PTPN14: variants seen among roughly 807,000 people sequenced by gnomAD.
PTPN14 encodes the protein protein tyrosine phosphatase non-receptor type 14.
In PTPN14, 53 loss-of-function variants were observed where a neutral mutation model predicts 126.8. The ratio of observed to expected loss-of-function variants is 0.42; its 90% confidence interval spans 0.34 to 0.53. The LOEUF (loss-of-function observed/expected upper bound fraction) is 0.53. Among genes scored for constraint, PTPN14 ranks in the 20% least tolerant of loss-of-function variants. The probability of loss-of-function intolerance (pLI) is 0.08; values close to 1 mark genes in which losing one functional copy is unlikely to be tolerated. For synonymous variants in PTPN14, 630 were observed against 599.3 expected, an observed-to-expected ratio of 1.05 and a Z score of -0.75; for missense variants, 1,257 against 1,552.9, an observed-to-expected ratio of 0.81 and a Z score of 3.20.
chr1:214,400,492 C>A (rs934588494), intron 7 of PTPN14, among the ~76,000 whole-genome samples: 3 of 152,188 alleles, frequency 2.0e-5, no homozygotes, highest in Non-Finnish European at 4.4e-5. Context: ...CACATCAGAA[C>A]CAACCACAGC....
intron 1 of PTPN14, among the ~76,000 whole-genome samples, chr1:214,545,849 G>A (rs962493111): frequency 6.6e-6 from 1 of 152,100 alleles, no homozygotes; most frequent in Non-Finnish European, 1.5e-5. Flanking sequence ...GTAGGATGTG[G>A]CATGTATAGC....
intron 15 of PTPN14, among the ~76,000 whole-genome samples, chr1:214,374,790 T>C (rs1286022854): frequency 6.6e-6 from 1 of 152,190 alleles, no homozygotes; most frequent in Admixed American, 6.5e-5. Flanking sequence ...CAATGCCCGA[T>C]GGGCACAGTT....
At chr1:214,469,960 CT>C (rs1558117403) in intron 1 of PTPN14, among the ~76,000 whole-genome samples, 2 of 152,146 alleles carry the variant, frequency 1.3e-5, no homozygotes, top group East Asian at 3.9e-4. Context: ...TTGATCTATT[CT>C]TTAAGAACAT....
At chr1:214,365,245 G>T (rs565541689) in intron 17 of PTPN14, among the ~76,000 whole-genome samples, 1 of 152,262 alleles carries the variant, frequency 6.6e-6, no homozygotes, top group South Asian at 2.1e-4. Flanking sequence ...GGGGCTATGT[G>T]AGTAGCCCAA....
Position 214,466,197 on chromosome 1 carries a change from T to C in PTPN14, c.-154-1240A>G, listed in dbSNP as rs1245163712. ...GGCTGGTCTTGAACTCCTGAACTCA[T>C]GTGATCCACCCGCCTTGGCCTCCCA... On this transcript the variant is annotated intron_variant, in intron 1 of 18. Coordinates refer to ENST00000366956, the MANE Select transcript of PTPN14 (RefSeq NM_005401.5). Among the ~76,000 whole-genome samples the C allele has an allele frequency of 2.6e-5, 4 of 151,748 alleles. No individual in the cohort carries two copies. In the East Asian group the frequency reaches 7.7e-4, roughly 29 times the overall value.
At chr1:214,549,396 G>A (rs1053224912) in intron 1 of PTPN14, among the ~76,000 whole-genome samples, 6 of 152,170 alleles carry the variant, frequency 3.9e-5, no homozygotes, top group Non-Finnish European at 5.9e-5. Flanking sequence ...TAGCACAACT[G>A]TGCTAAAGCA....
chr1:214,403,061 C>A, intron 5 of PTPN14, 108 bp from the exon 6 acceptor site: 1 of 1,040,388 alleles, frequency 9.6e-7, no homozygotes, highest in Non-Finnish European at 1.5e-6. Context: ...AGTCACATTT[C>A]CTCAATATCT....
chr1:214,477,215 G>A (rs1571606897), intron 1 of PTPN14, among the ~76,000 whole-genome samples: 1 of 152,160 alleles, frequency 6.6e-6, no homozygotes, highest in African/African-American at 2.4e-5. Context: ...GAGAAAGAAT[G>A]AAAACAGGTA....
intron 3 of PTPN14, among the ~76,000 whole-genome samples, chr1:214,442,149 TA>T (rs1204010093): frequency 1.3e-5 from 2 of 152,244 alleles, no homozygotes; most frequent in Non-Finnish European, 2.9e-5. Flanking sequence ...GATGTAATAA[TA>T]AAATTATCAC....
In PTPN14 at chr1:214,411,707, T is replaced by C. The variant is rs748149541; in HGVS notation, c.487A>G (p.Arg163Gly). ...YNQFDSQDFL[R>G]EYVLFPMDLA... ...ACCATAGGAAATAGCACATACTCTC[T>C]GAGGAAATCTTGAGAATCAAACTGA... is the stretch of plus-strand genomic sequence containing the variant. The change falls in exon 5 of 19, where the codon AGA (arginine) becomes GGA (glycine). Residue 163 changes from arginine (R) to glycine (G), a missense_variant. This residue lies in a region of PTPN14 where 1,021 missense variants were observed against 1,183.3 expected (regional missense o/e 0.86). Coordinates refer to ENST00000366956, the MANE Select transcript of PTPN14 (RefSeq NM_005401.5). The C allele has an allele frequency of 4.6e-6, 7 of 1,511,708 alleles. No homozygotes were observed. The African/African-American group carries it at 5.6e-5, about 12-fold the overall frequency. 93.6% of individuals were successfully genotyped at this position (1,511,708 alleles called of 1,614,324 possible).
In PTPN14 at chr1:214,364,595, C is replaced by T; in HGVS notation, c.3352G>A (p.Val1118Met). The T allele has an allele frequency of 6.2e-7, 1 of 1,614,078 alleles. No homozygotes were observed. Among genetic ancestry groups the T allele is most frequent in the Non-Finnish European group, 8.5e-7 (1 of 1,180,026 alleles). ...CCCACCCCAGCACTACAGTGGACCA[C>T]GATGGGCGGGTGCCGGTTCTTGGTG... ...EGTKNRHPPI[V>M]VHCSAGVGRT... The change falls in exon 18 of 19, where the codon GTG becomes ATG. Residue 1118 changes from valine (V) to methionine (M), a missense_variant. Transcript: ENST00000366956. This position sits in a 1 kb window ranked among gnomAD's most constrained non-coding sequence, Gnocchi z 4.1.
intron 1 of PTPN14, among the ~76,000 whole-genome samples, chr1:214,497,726 A>C (rs1053426994): frequency 6.6e-6 from 1 of 152,230 alleles, no homozygotes; most frequent in Non-Finnish European, 1.5e-5. Flanking sequence ...AGCATTATGC[A>C]TAGTATAATT....
At chr1:214,473,441 C>G (rs1230744932) in intron 1 of PTPN14, among the ~76,000 whole-genome samples, 1 of 152,188 alleles carries the variant, frequency 6.6e-6, no homozygotes, top group Non-Finnish European at 1.5e-5. Flanking sequence ...GCTATGTATA[C>G]TTAACTCTTT....
intron 16 of PTPN14, among the ~76,000 whole-genome samples, chr1:214,370,306 A>C (rs1658189019): frequency 6.6e-6 from 1 of 151,918 alleles, no homozygotes; most frequent in African/African-American, 2.4e-5. Context: ...AGAAAAAAGA[A>C]ACGAAGGTCT....
chr1:214,370,861 C>T (rs531572022), intron 16 of PTPN14, among the ~76,000 whole-genome samples: 1 of 152,234 alleles, frequency 6.6e-6, no homozygotes, highest in South Asian at 2.1e-4. Context: ...TCTGGGAACC[C>T]TGATGGCTGT....
intron 6 of PTPN14, among the ~76,000 whole-genome samples, chr1:214,402,606 CTG>C (rs1202309792): frequency 7.7e-6 from 1 of 130,228 alleles, no homozygotes; most frequent in Non-Finnish European, 1.5e-5. Context: ...TCAGCACAGG[CTG>C]TCTCAGGCTT....
chr1:214,392,190 GAGAA>G (rs763367987), intron 10 of PTPN14, among the ~76,000 whole-genome samples: 52 of 152,102 alleles, frequency 3.4e-4, no homozygotes, highest in Non-Finnish European at 7.3e-4. Context: ...GGGGGAGAGA[GAGAA>G]AGAGAGAGAG....
chr1:214,527,112 A>AG (rs1655419839), intron 1 of PTPN14, among the ~76,000 whole-genome samples: 1 of 151,978 alleles, frequency 6.6e-6, no homozygotes, highest in Non-Finnish European at 1.5e-5. Flanking sequence ...AAAAAAAAAA[A>AG]CAGAAGGTGA....
intron 11 of PTPN14, among the ~76,000 whole-genome samples, chr1:214,389,544 T>C (rs1041482313): frequency 2.0e-5 from 3 of 152,158 alleles, no homozygotes; most frequent in Non-Finnish European, 4.4e-5. Flanking sequence ...TACTCACTCA[T>C]TGTAAGAAAC....
Sources: gnomAD v4.1 joint callset for allele counts (sites outside exome capture counted in the v4.1 genomes callset) on GRCh38, gnomAD v4.1.1 for gene constraint, gnomAD v4.1.1 regional missense constraint, Gnocchi (gnomAD v3.1) non-coding constraint, MANE v1.5 for transcripts, NCBI Gene and HGNC (gene_info 2026-07-23, HGNC 2026-07-21) for gene names.